The following MCM3 variants were observed in gnomAD, a reference collection of about 807,000 sequenced individuals.
MCM3 encodes the protein minichromosome maintenance complex component 3, also known as DNA replication licensing factor MCM3.
Under a neutral mutation model 91.3 loss-of-function variants are expected in MCM3, and 59 were observed. That is an observed-to-expected ratio of 0.65 (90% CI 0.52 to 0.80). MCM3 has a LOEUF of 0.80. MCM3 is among the 30% of genes least tolerant of loss of function. The probability of loss-of-function intolerance (pLI) is 0.00; values close to 1 mark genes in which losing one functional copy is unlikely to be tolerated. For synonymous variants in MCM3, 383 were observed against 379.6 expected, an observed-to-expected ratio of 1.01 and a Z score of -0.10; for missense variants, 919 against 1,035.4, an observed-to-expected ratio of 0.89 and a Z score of 1.54.
chr6:52,273,783 C>T lies in MCM3; in HGVS notation c.1508G>A (p.Arg503Gln), dbSNP rs754613097. Residue 503 changes from arginine to glutamine, a missense_variant, in exon 10 of 17, where the codon CGG (arginine) becomes CAG (glutamine). Physicochemically the swap from Arg to Gln is conservative, Grantham distance 43. Coordinates refer to ENST00000596288, the MANE Select transcript of MCM3 (RefSeq NM_002388.6). ...CCCAGGTGCTCTGTAACGGTGCATC[C>T]GAAGGACATGGTCTGAGATCTCCCG... is the stretch of plus-strand genomic sequence containing the variant. ...QDREISDHVL[R>Q]MHRYRAPGEQ... 19 of 1,613,662 alleles carry T rather than the reference C, an allele frequency of 1.2e-5. No individual in the cohort carries two copies. The Admixed American group carries it at 2.5e-4, about 21-fold the overall frequency.
chr6:52,283,663 T>C (rs1213667781), intron 1 of MCM3, among the ~76,000 whole-genome samples: 2 of 152,230 alleles, frequency 1.3e-5, no homozygotes, highest in Non-Finnish European at 2.9e-5. Context: ...ACAACTTTTC[T>C]GCATGCTGTA....
chr6:52,284,731 C>G lies in MCM3; in HGVS notation c.-57G>C, dbSNP rs547733191. Reference sequence around the variant, plus strand: ...TCGCGTGGAGGTTCCCAGGATGACTCCACCCCGGCGCGAAAACTTCCGAAC... The same window carrying G: ...TCGCGTGGAGGTTCCCAGGATGACTGCACCCCGGCGCGAAAACTTCCGAAC... On this transcript the variant is annotated 5_prime_UTR_variant, in exon 1 of 17. Transcript: ENST00000596288. The G allele has an allele frequency of 1.3e-6, 2 of 1,561,334 alleles. No individual in the cohort carries two copies. The highest frequency in any genetic ancestry group is 2.3e-5 in the South Asian group (2 of 85,486).
At chr6:52,266,857 G>A (rs572530278) in intron 14 of MCM3, among the ~76,000 whole-genome samples, 161 bp from the exon 15 acceptor site, 5 of 152,256 alleles carry the variant, frequency 3.3e-5, no homozygotes, top group East Asian at 3.9e-4. Flanking sequence ...TGTTCCAAAC[G>A]AGACCAAGTC....
intron 4 of MCM3, among the ~76,000 whole-genome samples, chr6:52,280,561 G>A (rs1177827716): frequency 6.6e-6 from 1 of 152,224 alleles, no homozygotes; most frequent in Non-Finnish European, 1.5e-5. Context: ...ACTTGATACA[G>A]GTGTTAACTC....
intron 8 of MCM3, 93 bp downstream of exon 8, chr6:52,276,974 T>TCA (rs1356192875): frequency 1.8e-5 from 26 of 1,467,484 alleles, no homozygotes; most frequent in Non-Finnish European, 2.3e-5. Flanking sequence ...AACTAACCTA[T>TCA]CAGCTGTATC....
intron 16 of MCM3, chr6:52,265,170 G>A (rs766752126): frequency 1.3e-4 from 44 of 336,306 alleles, no homozygotes; most frequent in Non-Finnish European, 2.0e-4. Context: ...CTGTTTTACT[G>A]TAAACAGGGA....
At chr6:52,283,073 A>G (rs1766271294) in intron 2 of MCM3, among the ~76,000 whole-genome samples, 2 of 151,958 alleles carry the variant, frequency 1.3e-5, no homozygotes, top group Admixed American at 1.3e-4. Context: ...AGATATAAAA[A>G]TGATATTCAG....
intron 16 of MCM3, among the ~76,000 whole-genome samples, chr6:52,265,680 A>G (rs546257969): frequency 2.1e-4 from 32 of 152,338 alleles, no homozygotes; most frequent in African/African-American, 7.2e-4. Context: ...ATTCATAGAT[A>G]AAAATGTTTC....
chr6:52,281,166 T>C (rs914606047), intron 4 of MCM3, among the ~76,000 whole-genome samples: 4 of 152,168 alleles, frequency 2.6e-5, no homozygotes, highest in African/African-American at 9.7e-5. Context: ...TCCAGATCAA[T>C]CTGAACACCA....
chr6:52,279,335 C>A, intron 5 of MCM3, 26 bp downstream of exon 5: 1 of 1,576,544 alleles, frequency 6.3e-7, no homozygotes, highest in South Asian at 1.1e-5. Context: ...AACAGCATTC[C>A]ATATACTTTA....
chr6:52,283,800 A>T (rs1196761801), intron 1 of MCM3, among the ~76,000 whole-genome samples: 1 of 152,250 alleles, frequency 6.6e-6, no homozygotes, highest in Non-Finnish European at 1.5e-5. Context: ...ACGTGAATAG[A>T]TGGATATGTT....
rs200232553 is a variant in MCM3, at chr6:52,282,035, T to C, written c.531+10A>G. On this transcript the variant is annotated intron_variant, in intron 4 of 16. Transcript: ENST00000596288. ...CCTCCAAGACAGCTCAACTGATTTATCCCCCTTACCTTGGTAGGATAGACA... is the reference window on the plus strand; with the variant it reads ...CCTCCAAGACAGCTCAACTGATTTACCCCCCTTACCTTGGTAGGATAGACA... 31 of 1,613,372 alleles carry C rather than the reference T, an allele frequency of 1.9e-5. No individual in the cohort carries two copies. The East Asian group carries it at 5.3e-4, about 28-fold the overall frequency.
rs1765660383 is a variant in MCM3, at chr6:52,277,269, C to G, written c.1034-71G>C. ...CCCCCAGCAAATTCTGCCTTTCTAG[C>G]ACAGCTCTTGACACAACAGAGTCAC... On this transcript the variant is annotated intron_variant, in intron 7 of 16. Transcript: ENST00000596288. 2.0e-6 allele frequency: 3 copies of G among 1,537,806 alleles called. No individual in the cohort carries two copies. The Admixed American group carries it at 5.3e-5, about 27-fold the overall frequency.
chr6:52,277,121 G>C lies in MCM3; in HGVS notation c.1111C>G (p.Arg371Gly). Residue 371 changes from arginine (R) to glycine (G), a missense_variant, in exon 8 of 17, where the codon CGG (arginine) becomes GGG (glycine). Around this residue, in one of 3 missense-constraint regions of MCM3, gnomAD observed 233 missense variants for 321.2 expected, o/e 0.73. Coordinates refer to ENST00000596288, the MANE Select transcript of MCM3 (RefSeq NM_002388.6). ...TAPRAIPTTGRGSSGVGLTAA... is the reference protein window; with the variant it reads ...TAPRAIPTTGGGSSGVGLTAA... ...GTCAGACCCACTCCAGAGGAGCCCC[G>C]GCCAGTGGTGGGGATAGCTCGGGGT... 1 of 1,614,076 alleles carries C rather than the reference G, an allele frequency of 6.2e-7. No individual in the cohort carries two copies. The highest frequency in any genetic ancestry group is 8.5e-7 in the Non-Finnish European group (1 of 1,179,988).
intron 14 of MCM3, among the ~76,000 whole-genome samples, chr6:52,267,399 C>A (rs962210275): frequency 2.6e-5 from 4 of 151,624 alleles, no homozygotes; most frequent in African/African-American, 9.7e-5. Context: ...CCCAGCCTAC[C>A]CAGGTTATCT....
At chr6:52,282,955 A>G in intron 2 of MCM3, 94 bp from the exon 3 acceptor site, 1 of 892,820 alleles carries the variant, frequency 1.1e-6, no homozygotes, top group South Asian at 1.6e-5. Context: ...ATTAAAAACA[A>G]TGAGAAAATC....
chr6:52,282,216 G>A, intron 3 of MCM3, 41 bp from the exon 4 acceptor site: 2 of 1,607,964 alleles, frequency 1.2e-6, no homozygotes, highest in Admixed American at 1.7e-5. Flanking sequence ...CACCCAACTA[G>A]ACGATGATAC....
At chr6:52,276,078 C>A in intron 9 of MCM3, 190 bp downstream of exon 9, 2 of 589,252 alleles carry the variant, frequency 3.4e-6, no homozygotes, top group Non-Finnish European at 6.0e-6. Flanking sequence ...AGGAACTTTC[C>A]AGGGGATTCT....
rs747222625 is a variant in MCM3 at position 52,267,885 on chromosome 6, G to C, written c.2052C>G (p.Asp684Glu). 6 of 1,245,560 alleles carry C rather than the reference G, an allele frequency of 4.8e-6. No individual in the cohort carries two copies. Among genetic ancestry groups the C allele is most frequent in the Non-Finnish European group, 7.0e-6 (6 of 854,238 alleles). The allele number at this position is 1,245,560 out of a possible 1,614,324, so 77.2% of individuals were successfully genotyped here. A position where few individuals can be genotyped will look rare whatever the true frequency, so the allele number is the denominator to read the frequency against. ...TEDEEEKSQE[D>E]QEQKRKRRKT... is the part of the protein sequence containing the mutation. ...CTTACCTCTTCCTCTTCTGCTCCTG[G>C]TCCTCTTGGCTTTTCTCCTCTTCAT... is the stretch of plus-strand genomic sequence containing the variant. The change falls in exon 14 of 17, where the codon GAC becomes GAG. Residue 684 changes from aspartate (D) to glutamate (E), a missense_variant. Physicochemically the swap from Asp to Glu is conservative, Grantham distance 45. Coordinates refer to ENST00000596288, the MANE Select transcript of MCM3 (RefSeq NM_002388.6).
Sources: allele counts gnomAD v4.1 joint callset (sites outside exome capture counted in the v4.1 genomes callset), GRCh38; gene constraint gnomAD v4.1.1; regional missense constraint gnomAD v4.1.1; transcripts MANE v1.5; gene names NCBI Gene and HGNC (gene_info 2026-07-23, HGNC 2026-07-21).